Variants in ME1 observed in about 807,000 individuals in gnomAD.
ME1 encodes malic enzyme 1.
A neutral mutation model predicts 66.4 loss-of-function variants in ME1; 74 were observed. The ratio of observed to expected loss-of-function variants is 1.11; its 90% confidence interval spans 0.92 to 1.35. ME1 has a LOEUF of 1.35. Ranked by LOEUF, ME1 falls within the 40% of genes most tolerant of loss-of-function variation. The pLI, the probability that ME1 is intolerant of heterozygous loss-of-function variation, is 0.00. For synonymous variants in ME1, 251 were observed against 235.6 expected, an observed-to-expected ratio of 1.07 and a Z score of -0.60; for missense variants, 750 against 694.1, an observed-to-expected ratio of 1.08 and a Z score of -0.90.
intron 1 of ME1, among the ~76,000 whole-genome samples, chr6:83,417,221 T>G (rs201204797): frequency 2.0e-5 from 3 of 149,208 alleles, no homozygotes; most frequent in Non-Finnish European, 3.0e-5. Flanking sequence ...GGAAAAAAAA[T>G]TTTTTTTTGA....
chr6:83,392,866 C>T, intron 3 of ME1: 1 of 775,928 alleles, frequency 1.3e-6, no homozygotes, highest in Non-Finnish European at 2.3e-6. Flanking sequence ...AGCAATGCCT[C>T]CTGCACCACC....
intron 3 of ME1, among the ~76,000 whole-genome samples, chr6:83,360,723 C>A (rs1201361944): frequency 1.3e-5 from 2 of 152,188 alleles, no homozygotes; most frequent in African/African-American, 4.8e-5. Flanking sequence ...GTGTTTCCTA[C>A]CACATCCCCG....
chr6:83,349,015 A>AAAAAAAAAAAAAAAAAAAAAC (rs746037012), intron 4 of ME1, among the ~76,000 whole-genome samples: 2 of 124,020 alleles, frequency 1.6e-5, no homozygotes, highest in African/African-American at 6.2e-5. Flanking sequence ...AAAACAAAAA[A>AAAAAAAAAAAAAAAAAAAAAC]CAGTGCATTC....
chr6:83,296,145 T>A (rs1421343695), intron 6 of ME1, among the ~76,000 whole-genome samples: 8 of 151,808 alleles, frequency 5.3e-5, no homozygotes, highest in South Asian at 4.2e-4. Context: ...TTGAGGAGAG[T>A]CTTCTCCTCA....
chr6:83,269,240 TTA>T (rs1282653402), intron 6 of ME1, among the ~76,000 whole-genome samples: 2 of 151,712 alleles, frequency 1.3e-5, no homozygotes, highest in Non-Finnish European at 2.9e-5. Context: ...CCTCTATCAT[TTA>T]TGTTTGTTTT....
At chr6:83,426,241 A>C (rs1261177895) in intron 1 of ME1, among the ~76,000 whole-genome samples, 1 of 152,212 alleles carries the variant, frequency 6.6e-6, no homozygotes, top group Non-Finnish European at 1.5e-5. Flanking sequence ...GGGAAATCAG[A>C]GCTGAAAAAG....
chr6:83,349,677 C>T (rs1277066520), intron 4 of ME1, among the ~76,000 whole-genome samples: 1 of 152,132 alleles, frequency 6.6e-6, no homozygotes, highest in East Asian at 1.9e-4. Context: ...AATCTGTTTC[C>T]AGTGAACCTT....
chr6:83,405,138 G>A (rs1769914495), intron 2 of ME1, among the ~76,000 whole-genome samples: 3 of 152,174 alleles, frequency 2.0e-5, no homozygotes, highest in African/African-American at 7.2e-5. Flanking sequence ...CTATCCATGA[G>A]CATGAAATGT....
chr6:83,389,661 T>C (rs938344035), intron 3 of ME1, among the ~76,000 whole-genome samples: 2 of 152,180 alleles, frequency 1.3e-5, no homozygotes, highest in Non-Finnish European at 1.5e-5. Context: ...TATATGAATC[T>C]GCTTCAGCTA....
rs184992222 is a variant in ME1 at position 83,409,369 on chromosome 6, G to C, written c.79-1468C>G. ...TACAATCATTCCTCTGTCCCTGAAA[G>C]CTTCTTGCAATGACAGAATAGTGGC... On this transcript the variant is annotated intron_variant, in intron 1 of 13. Coordinates refer to ENST00000369705, the MANE Select transcript of ME1 (RefSeq NM_002395.6). 2.5e-4 allele frequency among the ~76,000 whole-genome samples: 38 copies of C among 152,260 alleles called. No homozygotes were observed. The East Asian group carries it at 6.6e-3, about 26-fold the overall frequency.
intron 1 of ME1, among the ~76,000 whole-genome samples, chr6:83,409,821 A>G (rs1452290060): frequency 1.3e-5 from 2 of 152,180 alleles, no homozygotes; most frequent in Non-Finnish European, 2.9e-5. Context: ...GATATTTTTC[A>G]TTAGCAGCCA....
intron 4 of ME1, among the ~76,000 whole-genome samples, chr6:83,350,295 C>T (rs1442521955): frequency 6.6e-6 from 1 of 151,988 alleles, no homozygotes; most frequent in African/African-American, 2.4e-5. Context: ...ATTAAGAGTC[C>T]AAAGGATAAA....
At chr6:83,398,640 TA>T (rs1296620841) in intron 2 of ME1, 124 bp from the exon 3 acceptor site, 17 of 531,768 alleles carry the variant, frequency 3.2e-5, no homozygotes, top group Non-Finnish European at 4.9e-5. Flanking sequence ...AACATCTGAT[TA>T]AAAAAGACTT....
At chr6:83,414,412 A>T (rs1351050101) in intron 1 of ME1, among the ~76,000 whole-genome samples, 2 of 152,118 alleles carry the variant, frequency 1.3e-5, no homozygotes, top group Non-Finnish European at 2.9e-5. Context: ...CTCATATCTG[A>T]TATAAAGTAA....
At chr6:83,361,720 T>C (rs1769009296) in intron 3 of ME1, among the ~76,000 whole-genome samples, 1 of 152,188 alleles carries the variant, frequency 6.6e-6, no homozygotes, top group Admixed American at 6.5e-5. Flanking sequence ...ACTGAACATT[T>C]GACTATGGGT....
At chr6:83,331,643 G>A (rs529206678) in intron 5 of ME1, among the ~76,000 whole-genome samples, 1 of 150,676 alleles carries the variant, frequency 6.6e-6, no homozygotes, top group Admixed American at 6.6e-5. Flanking sequence ...AAGAAAAACT[G>A]TATGAAGACA....
At chr6:83,306,535 T>C (rs867467998) in intron 6 of ME1, among the ~76,000 whole-genome samples, 30 of 152,196 alleles carry the variant, frequency 2.0e-4, no homozygotes, top group African/African-American at 6.5e-4. Context: ...TTTCTTTAGA[T>C]AAAAGTTACA....
intron 3 of ME1, among the ~76,000 whole-genome samples, chr6:83,384,997 A>C (rs1769480358): frequency 1.3e-5 from 2 of 151,866 alleles, no homozygotes; most frequent in Non-Finnish European, 2.9e-5. Flanking sequence ...ATGCCATGCA[A>C]GCATACACTT....
At chr6:83,344,849 T>C (rs1289784713) in intron 5 of ME1, among the ~76,000 whole-genome samples, 1 of 151,734 alleles carries the variant, frequency 6.6e-6, no homozygotes, top group Non-Finnish European at 1.5e-5. Flanking sequence ...GCCACTGTAC[T>C]CCAGCCTGGG....
Sources: gnomAD v4.1 joint callset for allele counts (sites outside exome capture counted in the v4.1 genomes callset) on GRCh38, gnomAD v4.1.1 for gene constraint, MANE v1.5 for transcripts, NCBI Gene and HGNC (gene_info 2026-07-23, HGNC 2026-07-21) for gene names.